Variants in CCDC93 observed in about 807,000 individuals in gnomAD.
CCDC93 encodes coiled-coil domain-containing protein 93.
CCDC93 carries 61 observed loss-of-function variants against 108.2 expected under a neutral mutation model. That is an observed-to-expected ratio of 0.56 (90% CI 0.46 to 0.70). The LOEUF (loss-of-function observed/expected upper bound fraction) is 0.70. CCDC93 is among the 30% of genes least tolerant of loss of function. CCDC93 has a pLI of 0.00. For missense variants in CCDC93, 685 were observed against 764.2 expected, an observed-to-expected ratio of 0.90 and a Z score of 1.22; for synonymous variants, 276 against 260.4, an observed-to-expected ratio of 1.06 and a Z score of -0.58.
intron 23 of CCDC93, 123 bp from the exon 24 acceptor site, chr2:117,920,519 T>G: frequency 1.8e-6 from 1 of 560,162 alleles, no homozygotes; most frequent in South Asian, 3.5e-5. Flanking sequence ...ACCCAGTCTC[T>G]TGGCATGCTG....
chr2:117,925,810 T>C (rs2104703221), intron 23 of CCDC93, among the ~76,000 whole-genome samples: 1 of 152,308 alleles, frequency 6.6e-6, no homozygotes, highest in South Asian at 2.1e-4. Context: ...ATCAACAGAA[T>C]ATACATTCTT....
intron 7 of CCDC93, among the ~76,000 whole-genome samples, chr2:117,983,406 A>G (rs918665893): frequency 3.9e-5 from 6 of 152,090 alleles, no homozygotes; most frequent in African/African-American, 1.4e-4. Flanking sequence ...GCCTTTTGTC[A>G]GTTCATTTTC....
chr2:117,929,761 A>C (rs1678263583), intron 23 of CCDC93, among the ~76,000 whole-genome samples: 1 of 152,132 alleles, frequency 6.6e-6, no homozygotes, highest in Non-Finnish European at 1.5e-5. Context: ...GCTAGCCTCA[A>C]AGGAGTCCCA....
intron 19 of CCDC93, 137 bp downstream of exon 19, chr2:117,941,052 T>A: frequency 1.6e-6 from 1 of 640,684 alleles, no homozygotes; most frequent in South Asian, 1.8e-5. Context: ...CAAGTGGGCC[T>A]GCTGATGAAA....
In CCDC93 at chr2:117,957,294, G is replaced by A. The variant is rs561630567; in HGVS notation, c.1005+1071C>T. 3.9e-5 allele frequency among the ~76,000 whole-genome samples: 6 copies of A among 152,288 alleles called. No individual in the cohort carries two copies. In the East Asian group the frequency reaches 7.7e-4, roughly 20 times the overall value. On this transcript the variant is annotated intron_variant, in intron 12 of 23. Transcript: ENST00000376300. ...TTTTTATTGTCCAATGACTGTTGCT[G>A]AGTCAAACTTCCCAGCTTCCTCTTA...
At position 117,996,279 on chromosome 2, in the gene CCDC93, A is replaced by C. The variant is rs1198032036; in HGVS notation, c.447T>G (p.Thr149=). 3.7e-6 allele frequency: 6 copies of C among 1,609,358 alleles called. No homozygotes were observed. The highest frequency in any genetic ancestry group is 2.2e-5 in the East Asian group (1 of 44,858). Residue 149 remains threonine (T), a synonymous_variant, in exon 5 of 24, where the codon ACT becomes ACG. Transcript: ENST00000376300. The part of the protein sequence containing the change: ...RSYSVSQFQK[T]YSLPEDDDFI... ...CAATACTGACCTCAGGGAGACTGTAAGTCTTCTGGAACTGGGATACAGAGT... is the reference window on the plus strand; with the variant it reads ...CAATACTGACCTCAGGGAGACTGTACGTCTTCTGGAACTGGGATACAGAGT...
intron 23 of CCDC93, among the ~76,000 whole-genome samples, chr2:117,922,891 ACCT>A (rs1033950198): frequency 2.6e-4 from 40 of 151,970 alleles, no homozygotes; most frequent in African/African-American, 8.5e-4. Flanking sequence ...CCCTATCGTC[ACCT>A]CCTCCTCAAC....
chr2:117,934,538 T>C (rs1249799470), intron 22 of CCDC93: 1 of 153,814 alleles, frequency 6.5e-6, no homozygotes, highest in Non-Finnish European at 1.5e-5. Context: ...TTTATTGAAG[T>C]CATTCACAGA....
chr2:118,011,411 C>T (rs1677017706), intron 1 of CCDC93, among the ~76,000 whole-genome samples: 1 of 152,082 alleles, frequency 6.6e-6, no homozygotes, highest in Non-Finnish European at 1.5e-5. Context: ...TTCACTAGTT[C>T]CTAGTGGACA....
At chr2:117,932,562 G>A (rs1012124484) in intron 22 of CCDC93, among the ~76,000 whole-genome samples, 2 of 152,160 alleles carry the variant, frequency 1.3e-5, no homozygotes, top group African/African-American at 4.8e-5. Flanking sequence ...CTTTCCACAG[G>A]TCTGCATACG....
intron 14 of CCDC93, 43 bp from the exon 15 acceptor site, chr2:117,948,229 T>G (rs777885718): frequency 1.4e-6 from 2 of 1,445,474 alleles, no homozygotes; most frequent in Non-Finnish European, 1.9e-6. Flanking sequence ...CAGGCCATTA[T>G]GATTTTATGA....
At position 117,995,501 on chromosome 2, in the gene CCDC93, T is replaced by C. The variant is rs765185486; in HGVS notation, c.464A>G (p.Asp155Gly). Residue 155 changes from aspartate (D) to glycine (G), a missense_variant and splice_region_variant, in exon 6 of 24, where the codon GAT becomes GGT. By Grantham distance (94) the Asp-to-Gly change is moderately conservative. Transcript: ENST00000376300. Reference protein sequence around the residue: ...QFQKTYSLPEDDDFIKRKEKA... With the variant: ...QFQKTYSLPEGDDFIKRKEKA... ...TTCTTTTCTCTTTATGAAGTCATCA[T>C]CCTACAAGACAAAACAGAGCGATTA... 1.1e-5 allele frequency: 18 copies of C among 1,612,664 alleles called. No homozygotes were observed. Among genetic ancestry groups the C allele is most frequent in the Admixed American group, 1.7e-5 (1 of 60,002 alleles).
At chr2:117,944,218 C>T in intron 17 of CCDC93, 132 bp from the exon 18 acceptor site, 1 of 589,492 alleles carries the variant, frequency 1.7e-6, no homozygotes, top group South Asian at 2.6e-5. Context: ...TCTTAAATGC[C>T]CAAGTTTACT....
At chr2:117,958,780 A>C (rs931380422) in intron 11 of CCDC93, among the ~76,000 whole-genome samples, 6 of 152,212 alleles carry the variant, frequency 3.9e-5, no homozygotes, top group Non-Finnish European at 8.8e-5. Flanking sequence ...AAAAGTCTTA[A>C]ATAGGGGAAT....
intron 11 of CCDC93, among the ~76,000 whole-genome samples, chr2:117,965,769 C>T (rs573872542): frequency 6.6e-6 from 1 of 152,072 alleles, no homozygotes; most frequent in Non-Finnish European, 1.5e-5. Context: ...GCCCCCTACA[C>T]CTGACACTGC....
At chr2:117,943,958 T>C in intron 18 of CCDC93, 66 bp downstream of exon 18, 1 of 1,086,668 alleles carries the variant, frequency 9.2e-7, no homozygotes, top group South Asian at 1.5e-5. Context: ...ACTTTCTAGT[T>C]ATGTCATAGG....
At chr2:117,923,763 G>A (rs551910741) in intron 23 of CCDC93, among the ~76,000 whole-genome samples, 1 of 152,280 alleles carries the variant, frequency 6.6e-6, no homozygotes, top group African/African-American at 2.4e-5. Flanking sequence ...GTCCCTGTCT[G>A]ACAGCTTAGA....
At chr2:117,947,349 C>T (rs1435640263) in intron 15 of CCDC93, among the ~76,000 whole-genome samples, 1 of 152,134 alleles carries the variant, frequency 6.6e-6, no homozygotes, top group East Asian at 1.9e-4. Flanking sequence ...TCCCCTGGAG[C>T]TCACACAGAA....
chr2:117,927,180 A>C (rs926342686), intron 23 of CCDC93, among the ~76,000 whole-genome samples: 2 of 152,026 alleles, frequency 1.3e-5, no homozygotes, highest in African/African-American at 4.8e-5. Context: ...ATGGGCAAAA[A>C]CTGGAAGCAT....
Sources: allele counts gnomAD v4.1 joint callset (sites outside exome capture counted in the v4.1 genomes callset), GRCh38; gene constraint gnomAD v4.1.1; transcripts MANE v1.5; gene names NCBI Gene and HGNC (gene_info 2026-07-23, HGNC 2026-07-21).